SLC1A2: variants seen among roughly 807,000 people sequenced by gnomAD.
SLC1A2 encodes the protein excitatory amino acid transporter 2.
A neutral mutation model predicts 48.8 loss-of-function variants in SLC1A2; 15 were observed. The ratio of observed to expected loss-of-function variants is 0.31; its 90% CI spans 0.21 to 0.47. SLC1A2 has a LOEUF of 0.47. SLC1A2 is among the 20% of genes least tolerant of loss of function. SLC1A2 has a pLI of 0.99. For missense variants in SLC1A2, 502 were observed against 730.5 expected, an observed-to-expected ratio of 0.69 and a Z score of 3.61; for synonymous variants, 279 against 272.6, an observed-to-expected ratio of 1.02 and a Z score of -0.23.
intron 1 of SLC1A2, among the ~76,000 whole-genome samples, chr11:35,416,546 G>T (rs1855608581): frequency 6.6e-6 from 1 of 152,208 alleles, no homozygotes; most frequent in African/African-American, 2.4e-5. Flanking sequence ...TAATTAACAT[G>T]TTCTGCGGCT....
chr11:35,317,375 A>G lies in SLC1A2; in HGVS notation c.157+2T>C. On this transcript the variant is annotated splice_donor_variant, in intron 2 of 10. Coordinates refer to ENST00000278379, the MANE Select transcript of SLC1A2 (RefSeq NM_004171.4). LOFTEE classifies it high-confidence loss of function. Reference sequence around the variant, plus strand: ...TGGGGGTGGGGTAGTGCAGGTACCTACCAAACACCGTCAGGGTGAGCAGCA... The same window carrying G: ...TGGGGGTGGGGTAGTGCAGGTACCTGCCAAACACCGTCAGGGTGAGCAGCA... The G allele has an allele frequency of 6.2e-7, 1 of 1,613,916 alleles. No homozygotes were observed. The highest frequency in any genetic ancestry group is 8.5e-7 in the Non-Finnish European group (1 of 1,179,850).
intron 1 of SLC1A2, among the ~76,000 whole-genome samples, chr11:35,403,930 C>T (rs1323642113): frequency 6.6e-6 from 1 of 152,230 alleles, no homozygotes; most frequent in African/African-American, 2.4e-5. Context: ...AGCAGCTTAG[C>T]TCAAAGGCAA....
chr11:35,292,476 A>G lies in SLC1A2; in HGVS notation c.902T>C (p.Ile301Thr). 6.2e-7 allele frequency: 1 copy of G among 1,613,950 alleles called. No homozygotes were observed. Among genetic ancestry groups the G allele is most frequent in the African/African-American group, 1.3e-5 (1 of 75,016 alleles). ...GIACLICGKI[I>T]AIKDLEVVAR... Reference sequence around the variant, plus strand: ...AACCACTTCTAAGTCCTTGATTGCAATGATCTTTCCACAGATCAGGCAGGC... The same window carrying G: ...AACCACTTCTAAGTCCTTGATTGCAGTGATCTTTCCACAGATCAGGCAGGC... Residue 301 changes from isoleucine (I) to threonine (T), a missense_variant, in exon 7 of 11, where the codon ATT (isoleucine) becomes ACT (threonine). Transcript: ENST00000278379.
At chr11:35,371,185 T>C in intron 1 of SLC1A2, 1 of 447,208 alleles carries the variant, frequency 2.2e-6, no homozygotes, top group Non-Finnish European at 3.0e-6. Context: ...GTTGAAACTC[T>C]GAATGCAAGC....
Position 35,257,785 on chromosome 11 carries a change from A to G in SLC1A2, c.*3109T>C, listed in dbSNP as rs1193256135. On this transcript the variant is annotated 3_prime_UTR_variant, in exon 11 of 11. Coordinates refer to ENST00000278379, the MANE Select transcript of SLC1A2 (RefSeq NM_004171.4). Reference sequence around the variant, plus strand: ...TGATTCTGATTCCTAAAAAACATGAATGAGTCTATAGCAAAATGGCATTGC... The same window carrying G: ...TGATTCTGATTCCTAAAAAACATGAGTGAGTCTATAGCAAAATGGCATTGC... 1 of 152,220 alleles carries G rather than the reference A, an allele frequency of 6.6e-6. No homozygotes were observed. Among genetic ancestry groups the G allele is most frequent in the African/African-American group, 2.4e-5 (1 of 41,452 alleles). The allele number at this position is 152,220 out of a possible 1,614,324, so 9.4% of individuals were successfully genotyped here.
intron 1 of SLC1A2, among the ~76,000 whole-genome samples, chr11:35,349,943 C>T (rs978158616): frequency 1.4e-4 from 21 of 152,058 alleles, no homozygotes; most frequent in South Asian, 4.2e-4. Flanking sequence ...ACACGGGCTC[C>T]GAGACAGAGA....
intron 1 of SLC1A2, among the ~76,000 whole-genome samples, chr11:35,339,370 C>G (rs1244023747): frequency 2.0e-5 from 3 of 152,210 alleles, no homozygotes; most frequent in Non-Finnish European, 2.9e-5. Flanking sequence ...CTGGAACTAT[C>G]CGTTCCACAG....
intron 1 of SLC1A2, among the ~76,000 whole-genome samples, chr11:35,323,648 A>G (rs1415890916): frequency 6.6e-6 from 1 of 152,212 alleles, no homozygotes; most frequent in Admixed American, 6.5e-5. Context: ...AGAGCTGACC[A>G]TGAAGACAAG....
intron 1 of SLC1A2, among the ~76,000 whole-genome samples, chr11:35,325,904 C>T (rs895905485): frequency 5.6e-5 from 8 of 142,260 alleles, no homozygotes; most frequent in African/African-American, 2.1e-4. Context: ...GTGGAGGTTG[C>T]AGTGAGCCGG....
At chr11:35,269,374 A>C (rs1850206713) in intron 9 of SLC1A2, among the ~76,000 whole-genome samples, 1 of 152,232 alleles carries the variant, frequency 6.6e-6, no homozygotes, top group African/African-American at 2.4e-5. Context: ...TCATGTAGCC[A>C]AAATAACTAT....
At chr11:35,278,174 A>T (rs1018217547) in intron 9 of SLC1A2, among the ~76,000 whole-genome samples, 3 of 151,616 alleles carry the variant, frequency 2.0e-5, no homozygotes, top group Non-Finnish European at 2.9e-5. Flanking sequence ...TTTTCTGATG[A>T]TGAAGGAGCC....
intron 1 of SLC1A2, among the ~76,000 whole-genome samples, chr11:35,400,722 T>C (rs1292089523): frequency 1.3e-5 from 2 of 152,226 alleles, no homozygotes; most frequent in Non-Finnish European, 2.9e-5. Context: ...TACTTGATTC[T>C]CCTGAAAAAT....
intron 1 of SLC1A2, among the ~76,000 whole-genome samples, chr11:35,401,637 G>A (rs919994620): frequency 3.3e-5 from 5 of 151,830 alleles, no homozygotes; most frequent in Admixed American, 6.6e-5. Context: ...TGGTTTACAC[G>A]TCCTAGCTGC....
chr11:35,417,498 T>C (rs189685178), intron 1 of SLC1A2, among the ~76,000 whole-genome samples: 1 of 152,350 alleles, frequency 6.6e-6, no homozygotes, highest in African/African-American at 2.4e-5. Context: ...TTTTCTAATA[T>C]AAAAGCCTTT....
At chr11:35,299,284 AG>A (rs974781304) in intron 6 of SLC1A2, 1 of 152,352 alleles carries the variant, frequency 6.6e-6, no homozygotes, top group Non-Finnish European at 1.5e-5. Flanking sequence ...GGTTGCAGTG[AG>A]CTGAGATCGT....
At chr11:35,375,714 T>G (rs563220503) in intron 1 of SLC1A2, among the ~76,000 whole-genome samples, 3 of 152,158 alleles carry the variant, frequency 2.0e-5, no homozygotes, top group Admixed American at 6.5e-5. Context: ...GGCAGTGGCA[T>G]CAGCAGGTCA....
chr11:35,386,315 T>G (rs1854581790), intron 1 of SLC1A2, among the ~76,000 whole-genome samples: 1 of 152,230 alleles, frequency 6.6e-6, no homozygotes, highest in African/African-American at 2.4e-5. Flanking sequence ...CTATCTTGTC[T>G]TCTCTCATTC....
intron 3 of SLC1A2, among the ~76,000 whole-genome samples, 173 bp from the exon 4 acceptor site, chr11:35,312,621 A>G (rs112764895): frequency 5.9e-5 from 9 of 152,320 alleles, no homozygotes; most frequent in African/African-American, 2.2e-4. Context: ...GGGACTCCCA[A>G]CAGATACCAA....
rs1422235558 is a variant in SLC1A2 at position 35,286,965 on chromosome 11, G to A, written c.1092-14C>T. 6 of 1,608,870 alleles carry A rather than the reference G, an allele frequency of 3.7e-6. No individual in the cohort carries two copies. The highest frequency in any genetic ancestry group is 5.1e-6 in the Non-Finnish European group (6 of 1,175,462). On this transcript the variant is annotated splice_polypyrimidine_tract_variant and intron_variant, in intron 7 of 10. Transcript: ENST00000278379. ...AAAGTTCCAGCACTGAGAACAAAGA[G>A]AAAGAGAGAGACAGGGTTATGTCCA...
Sources: allele counts gnomAD v4.1 joint callset (sites outside exome capture counted in the v4.1 genomes callset), GRCh38; gene constraint gnomAD v4.1.1; transcripts MANE v1.5; gene names NCBI Gene and HGNC (gene_info 2026-07-23, HGNC 2026-07-21).